FHIT: variants seen among roughly 807,000 people sequenced by gnomAD.
The protein encoded by FHIT is bis(5'-adenosyl)-triphosphatase.
A neutral mutation model predicts 17.9 loss-of-function variants in FHIT; 19 were observed. The observed-to-expected ratio is 1.06, with a 90% confidence interval of 0.74 to 1.56. FHIT has a LOEUF of 1.56. FHIT is among the 40% of genes most tolerant of loss of function. The probability of loss-of-function intolerance (pLI) is 0.00; values close to 1 mark genes in which losing one functional copy is unlikely to be tolerated. For missense variants in FHIT, 248 were observed against 189.2 expected (o/e 1.31, Z -1.82); for synonymous variants, 81 against 69.7 (o/e 1.16, Z -0.81).
intron 3 of FHIT, among the ~76,000 whole-genome samples, chr3:60,858,382 C>G (rs782329440): frequency 6.6e-6 from 1 of 152,048 alleles, no homozygotes; most frequent in Non-Finnish European, 1.5e-5. Flanking sequence ...AAGCAGAGGC[C>G]GATAATGAAG....
At chr3:60,361,215 A>G (rs572790421) in intron 5 of FHIT, among the ~76,000 whole-genome samples, 1 of 152,324 alleles carries the variant, frequency 6.6e-6, no homozygotes, top group Admixed American at 6.5e-5. Context: ...AAGTAAACAG[A>G]TAGATTATAA....
chr3:61,143,092 T>C (rs552905777), intron 2 of FHIT, among the ~76,000 whole-genome samples: 1 of 152,292 alleles, frequency 6.6e-6, no homozygotes, highest in African/African-American at 2.4e-5. Context: ...GCCTTACAAA[T>C]TGTGAAGATA....
At position 60,537,528 on chromosome 3, in the gene FHIT, G is replaced by GA. The variant is rs574136409; in HGVS notation, c.-17-550dup. 236 of 881,836 alleles carry GA rather than the reference G, an allele frequency of 2.7e-4. No homozygotes were observed. In the East Asian group the frequency reaches 5.4e-3, roughly 20 times the overall value. The allele number at this position is 881,836 out of a possible 1,614,324, so 54.6% of individuals were successfully genotyped here. A position where few individuals can be genotyped will look rare whatever the true frequency, so the allele number is the denominator to read the frequency against. On this transcript the variant is annotated intron_variant, in intron 4 of 9. Coordinates refer to ENST00000492590, the MANE Select transcript of FHIT (RefSeq NM_002012.4). ...CTAGTAAAATCTCCAAAATAAAGGAGAAAAAAAACATTTAAAAAGAAGGAA... is the reference window on the plus strand; with the variant it reads ...CTAGTAAAATCTCCAAAATAAAGGAGAAAAAAAAACATTTAAAAAGAAGGAA...
At chr3:60,395,295 T>C (rs991990741) in intron 5 of FHIT, among the ~76,000 whole-genome samples, 40 of 152,150 alleles carry the variant, frequency 2.6e-4, no homozygotes, top group African/African-American at 9.4e-4. Context: ...CTAGGAGCTG[T>C]CCTGAGCATT....
chr3:60,138,283 G>C (rs1699898152), intron 5 of FHIT, among the ~76,000 whole-genome samples: 1 of 152,288 alleles, frequency 6.6e-6, no homozygotes, highest in Non-Finnish European at 1.5e-5. Flanking sequence ...TGTGAACCAA[G>C]GGAATGAGTG....
intron 3 of FHIT, among the ~76,000 whole-genome samples, chr3:60,880,266 T>C (rs1704896359): frequency 6.6e-6 from 1 of 152,234 alleles, no homozygotes; most frequent in African/African-American, 2.4e-5. Flanking sequence ...AAGGATACTA[T>C]ATCCAGCAAA....
At chr3:60,365,024 G>C (rs961603178) in intron 5 of FHIT, among the ~76,000 whole-genome samples, 2 of 150,318 alleles carry the variant, frequency 1.3e-5, no homozygotes, top group Admixed American at 6.6e-5. Context: ...TCATATATAT[G>C]TTTGTATGTA....
chr3:60,704,329 A>G (rs566520068), intron 4 of FHIT, among the ~76,000 whole-genome samples: 1 of 152,204 alleles, frequency 6.6e-6, no homozygotes, highest in Non-Finnish European at 1.5e-5. Context: ...GCTACAATAA[A>G]GCTTCTATTT....
chr3:59,921,390 A>G (rs758403044), intron 8 of FHIT, among the ~76,000 whole-genome samples: 75 of 152,232 alleles, frequency 4.9e-4, no homozygotes, highest in Non-Finnish European at 9.3e-4. Flanking sequence ...CACATGATAA[A>G]CAATCGAGAT....
At chr3:61,210,472 T>G (rs1023282773) in intron 1 of FHIT, among the ~76,000 whole-genome samples, 2 of 152,146 alleles carry the variant, frequency 1.3e-5, no homozygotes, top group Non-Finnish European at 2.9e-5. Context: ...AGCTTCCTGG[T>G]CTCTTTGTTT....
At chr3:60,619,203 T>A (rs1053257711) in intron 4 of FHIT, among the ~76,000 whole-genome samples, 3 of 152,110 alleles carry the variant, frequency 2.0e-5, no homozygotes, top group Non-Finnish European at 4.4e-5. Context: ...TTAAAAAAGC[T>A]ATCTACTGTT....
At chr3:60,172,131 G>A (rs1221657380) in intron 5 of FHIT, among the ~76,000 whole-genome samples, 1 of 152,150 alleles carries the variant, frequency 6.6e-6, no homozygotes, top group African/African-American at 2.4e-5. Context: ...AAAGGCGCAT[G>A]GCTCTTCAAA....
At chr3:60,862,690 A>G (rs1375585106) in intron 3 of FHIT, among the ~76,000 whole-genome samples, 2 of 151,904 alleles carry the variant, frequency 1.3e-5, no homozygotes, top group Non-Finnish European at 2.9e-5. Context: ...TGTCTCTACT[A>G]AAAATACAAA....
intron 5 of FHIT, among the ~76,000 whole-genome samples, chr3:60,235,843 A>G (rs1231005879): frequency 6.6e-6 from 1 of 152,160 alleles, no homozygotes; most frequent in Non-Finnish European, 1.5e-5. Flanking sequence ...AAAACTCACA[A>G]TGGAGATCCT....
intron 8 of FHIT, among the ~76,000 whole-genome samples, chr3:59,813,840 G>A (rs1700493840): frequency 6.6e-6 from 1 of 152,090 alleles, no homozygotes; most frequent in Non-Finnish European, 1.5e-5. Flanking sequence ...GTTCCTGCAT[G>A]GCCTATGGTT....
chr3:60,636,171 A>T (rs2039579612), intron 4 of FHIT, among the ~76,000 whole-genome samples: 1 of 152,072 alleles, frequency 6.6e-6, no homozygotes. Context: ...CTCAGGTTCA[A>T]GTGAGTCTCC....
Position 60,234,055 on chromosome 3 carries a change from C to T in FHIT, c.104-219903G>A, listed in dbSNP as rs1559749174. ...TCAATATACTCCCCATACTAGAATA[C>T]ATGCTCTGAGATCATTGGGACCTTG... On this transcript the variant is annotated intron_variant, in intron 5 of 9. Coordinates refer to ENST00000492590, the MANE Select transcript of FHIT (RefSeq NM_002012.4). Among the ~76,000 whole-genome samples the T allele has an allele frequency of 1.3e-5, 2 of 152,134 alleles. 1 individual carries two copies.
At chr3:59,754,769 A>G (rs1019695223) in intron 8 of FHIT, among the ~76,000 whole-genome samples, 1 of 152,236 alleles carries the variant, frequency 6.6e-6, no homozygotes, top group Non-Finnish European at 1.5e-5. Flanking sequence ...GGGAAATAAT[A>G]GGAAATAAAT....
chr3:60,691,692 T>G (rs2040995580), intron 4 of FHIT, among the ~76,000 whole-genome samples: 1 of 152,188 alleles, frequency 6.6e-6, no homozygotes, highest in Admixed American at 6.5e-5. Flanking sequence ...TAGTGATTTC[T>G]TTTCAGCTTC....
Sources: gnomAD v4.1 joint callset for allele counts (sites outside exome capture counted in the v4.1 genomes callset) on GRCh38, gnomAD v4.1.1 for gene constraint, MANE v1.5 for transcripts, NCBI Gene and HGNC (gene_info 2026-07-23, HGNC 2026-07-21) for gene names.